The following SCAF11 variants were observed in gnomAD, a reference collection of about 807,000 sequenced individuals.
SCAF11 encodes the protein SR-related CTD associated factor 11.
A neutral mutation model predicts 140.5 loss-of-function variants in SCAF11; 47 were observed. The observed-to-expected ratio is 0.33, with a 90% CI of 0.26 to 0.43. The LOEUF (loss-of-function observed/expected upper bound fraction) is 0.43. Ranked by LOEUF, SCAF11 falls within the 20% of genes least tolerant of loss-of-function variation. SCAF11 has a pLI of 1.00. For synonymous variants in SCAF11, 557 were observed against 579.4 expected (o/e 0.96, Z 0.55); for missense variants, 1,645 against 1,705.1 (o/e 0.96, Z 0.62).
intron 11 of SCAF11, among the ~76,000 whole-genome samples, chr12:45,925,644 TA>T (rs549862374): frequency 0.029 from 4,267 of 147,640 alleles, 195 homozygotes; most frequent in African/African-American, 0.098. Context: ...ACTGACTAGT[TA>T]AAAAAAAAAA....
At position 45,979,466 on chromosome 12, in the gene SCAF11, G is replaced by T. The variant is rs536572545; in HGVS notation, c.-22+10887C>A. On this transcript the variant is annotated intron_variant, in intron 1 of 14. Coordinates refer to ENST00000369367, the MANE Select transcript of SCAF11 (RefSeq NM_004719.3). Reference sequence around the variant, plus strand: ...ATTCTACCCCGTTCTGTTTAAACAAGATTTTTAAAACTTTACAGAGTTTCA... The same window carrying T: ...ATTCTACCCCGTTCTGTTTAAACAATATTTTTAAAACTTTACAGAGTTTCA... Among the ~76,000 whole-genome samples the T allele has an allele frequency of 9.9e-4, 151 of 152,202 alleles. 1 individual carries two copies. The highest frequency in any genetic ancestry group is 3.4e-3 in the Middle Eastern group (1 of 292).
At chr12:45,922,675 A>G (rs1944743065) in intron 13 of SCAF11, 93 bp from the exon 14 acceptor site, 2 of 1,225,180 alleles carry the variant, frequency 1.6e-6, no homozygotes, top group South Asian at 3.0e-5. Context: ...CATATTTACA[A>G]TAAGAGACTC....
intron 4 of SCAF11, among the ~76,000 whole-genome samples, chr12:45,949,475 GCTTA>G (rs1183237743): frequency 6.6e-6 from 1 of 151,994 alleles, no homozygotes; most frequent in Non-Finnish European, 1.5e-5. Context: ...ATTTTAGGAT[GCTTA>G]CTTAAAATTT....
intron 4 of SCAF11, 45 bp from the exon 5 acceptor site, chr12:45,948,582 C>T (rs1945479828): frequency 8.3e-7 from 1 of 1,204,440 alleles, no homozygotes; most frequent in Non-Finnish European, 1.2e-6. Flanking sequence ...TCCAGCCTTA[C>T]AAATAACTTT....
At chr12:45,973,730 T>C (rs960129319) in intron 1 of SCAF11, among the ~76,000 whole-genome samples, 3 of 152,108 alleles carry the variant, frequency 2.0e-5, no homozygotes, top group African/African-American at 7.2e-5. Flanking sequence ...ACTGTAAACC[T>C]AAAATCCTCT....
intron 5 of SCAF11, among the ~76,000 whole-genome samples, chr12:45,947,139 T>C (rs935447558): frequency 2.6e-5 from 4 of 152,264 alleles, no homozygotes; most frequent in South Asian, 2.1e-4. Flanking sequence ...TACTAATGAA[T>C]CATAGATTTA....
intron 3 of SCAF11, chr12:45,953,787 C>A: frequency 3.9e-6 from 2 of 512,840 alleles, no homozygotes; most frequent in Admixed American, 3.0e-5. Flanking sequence ...CTCTCTGTGC[C>A]TCAGTAACCT....
intron 5 of SCAF11, 109 bp from the exon 6 acceptor site, chr12:45,945,422 T>C: frequency 1.5e-6 from 1 of 662,964 alleles, no homozygotes; most frequent in South Asian, 1.9e-5. Flanking sequence ...ATGCACTGAT[T>C]TTGGTAACTA....
At chr12:45,942,914 T>C (rs1230226417) in intron 6 of SCAF11, among the ~76,000 whole-genome samples, 2 of 152,196 alleles carry the variant, frequency 1.3e-5, no homozygotes, top group Non-Finnish European at 2.9e-5. Context: ...TTCACTACTA[T>C]ACCCCTAAGA....
intron 1 of SCAF11, 36 bp from the exon 2 acceptor site, chr12:45,964,224 GC>G: frequency 1.0e-6 from 1 of 954,506 alleles, no homozygotes; most frequent in South Asian, 1.5e-5. Context: ...TTTTATGTTT[GC>G]CTTCTCCCAA....
At chr12:45,986,011 G>C (rs138256425) in intron 1 of SCAF11, among the ~76,000 whole-genome samples, 1 of 152,050 alleles carries the variant, frequency 6.6e-6, no homozygotes, top group Non-Finnish European at 1.5e-5. Flanking sequence ...TGATCTTCAC[G>C]GTATTCTCTG....
At chr12:45,974,610 T>C in intron 1 of SCAF11, 1 of 180,842 alleles carries the variant, frequency 5.5e-6, no homozygotes, top group Non-Finnish European at 1.2e-5. Context: ...AAATTTATCA[T>C]AAAATTGCAG....
chr12:45,983,296 T>C (rs567469527), intron 1 of SCAF11, among the ~76,000 whole-genome samples: 116 of 152,040 alleles, frequency 7.6e-4, no homozygotes, highest in South Asian at 2.1e-3. Flanking sequence ...AGACTAGATA[T>C]CAAAAAAGAA....
intron 12 of SCAF11, among the ~76,000 whole-genome samples, 169 bp from the exon 13 acceptor site, chr12:45,923,323 G>A (rs540110111): frequency 6.6e-5 from 10 of 152,212 alleles, no homozygotes; most frequent in Admixed American, 2.0e-4. Flanking sequence ...AGAAAAATGA[G>A]TAACATTCTT....
intron 6 of SCAF11, among the ~76,000 whole-genome samples, chr12:45,940,963 C>T (rs1004229223): frequency 6.6e-6 from 1 of 152,160 alleles, no homozygotes; most frequent in Non-Finnish European, 1.5e-5. Context: ...TATCACCACA[C>T]TTGGCTAATT....
chr12:45,934,471 T>C lies in SCAF11; in HGVS notation c.498A>G (p.Lys166=), dbSNP rs756647624. ...NSLYSETGGK[K]NAAIKINKPQ... ...CCTTATTTATCTTTATTGCTGCATT[T>C]TTCTTTCCTCCTGTTTCACTGTATA... The change falls in exon 7 of 15, where the codon AAA becomes AAG. Residue 166 remains lysine, a synonymous_variant. Transcript: ENST00000369367. 2 of 1,595,310 alleles carry C rather than the reference T, an allele frequency of 1.3e-6. No homozygotes were observed. Among genetic ancestry groups the C allele is most frequent in the South Asian group, 2.3e-5 (2 of 85,878 alleles).
At position 45,927,060 on chromosome 12, in the gene SCAF11, G is replaced by A. The variant is rs758174696; in HGVS notation, c.2641C>T (p.Leu881=). 1.4e-5 allele frequency: 23 copies of A among 1,614,114 alleles called. No homozygotes were observed. In the South Asian group the frequency reaches 2.3e-4, roughly 16 times the overall value. ...TTRESRRSES[L]SPRRETSREN... is the part of the protein sequence containing the mutation. Reference sequence around the variant, plus strand: ...CTAGAAGTTTCTCTTCTTGGGGACAGTGATTCAGATCTTCTGCTTTCCCTA... The same window carrying A: ...CTAGAAGTTTCTCTTCTTGGGGACAATGATTCAGATCTTCTGCTTTCCCTA... Residue 881 remains leucine, a synonymous_variant, in exon 11 of 15, where the codon CTG becomes TTG. Coordinates refer to ENST00000369367, the MANE Select transcript of SCAF11 (RefSeq NM_004719.3).
intron 1 of SCAF11, among the ~76,000 whole-genome samples, chr12:45,977,838 T>C (rs1432966310): frequency 6.6e-6 from 1 of 152,102 alleles, no homozygotes; most frequent in Non-Finnish European, 1.5e-5. Context: ...AGACAACAGA[T>C]ATCTATAACC....
At chr12:45,941,766 T>C (rs1945306952) in intron 6 of SCAF11, among the ~76,000 whole-genome samples, 1 of 152,230 alleles carries the variant, frequency 6.6e-6, no homozygotes, top group Admixed American at 6.5e-5. Flanking sequence ...TGAATCCTGT[T>C]AGCTTCATCT....
Sources: gnomAD v4.1 joint callset for allele counts (sites outside exome capture counted in the v4.1 genomes callset) on GRCh38, gnomAD v4.1.1 for gene constraint, MANE v1.5 for transcripts, NCBI Gene and HGNC (gene_info 2026-07-23, HGNC 2026-07-21) for gene names.